RIMBP2: variants seen among roughly 807,000 people sequenced by gnomAD.
RIMBP2 encodes RIMS binding protein 2.
RIMBP2 carries 48 observed loss-of-function variants against 118.6 expected under a neutral mutation model. The ratio of observed to expected loss-of-function variants is 0.40; its 90% CI spans 0.32 to 0.51. The LOEUF is 0.51. Among genes scored for constraint, RIMBP2 ranks in the 20% least tolerant of loss-of-function variants. The pLI, the probability that RIMBP2 is intolerant of heterozygous loss-of-function variation, is 0.41. For missense variants in RIMBP2, 1,551 were observed against 1,768.3 expected, an observed-to-expected ratio of 0.88 and a Z score of 2.20; for synonymous variants, 762 against 742.9, an observed-to-expected ratio of 1.03 and a Z score of -0.42.
intron 20 of RIMBP2, 57 bp downstream of exon 20, chr12:130,407,669 C>T (rs1463185261): frequency 3.6e-6 from 5 of 1,372,988 alleles, no homozygotes; most frequent in East Asian, 4.6e-5. Flanking sequence ...TGGTGTACCA[C>T]GAGGGAAGGG....
chr12:130,611,922 G>T (rs931132745), intron 2 of RIMBP2, among the ~76,000 whole-genome samples: 6 of 151,902 alleles, frequency 3.9e-5, no homozygotes, highest in Non-Finnish European at 7.3e-5. Context: ...GTAGAAAGTT[G>T]GGGAAAACCA....
At chr12:130,550,726 G>C (rs758625824) in intron 2 of RIMBP2, among the ~76,000 whole-genome samples, 12 of 152,200 alleles carry the variant, frequency 7.9e-5, no homozygotes, top group Non-Finnish European at 1.2e-4. Context: ...AGATACATTT[G>C]GTTTTCTTAT....
At chr12:130,564,035 TCCCAGGGCC>T in intron 2 of RIMBP2, among the ~76,000 whole-genome samples, 1 of 148,360 alleles carries the variant, frequency 6.7e-6, no homozygotes, top group Non-Finnish European at 1.5e-5. Context: ...GCAGTCCCAG[TCCCAGGGCC>T]CTTGCACCTC....
rs762545142 is a variant in RIMBP2 at position 130,406,246 on chromosome 12, G to A, written c.3694-3C>T. ...CCTGTGCAAAATGTAAGTTCGGCCT[G>A]TGGAGATGAAACATAAAATTAATCG... On this transcript the variant is annotated splice_region_variant and splice_polypyrimidine_tract_variant and intron_variant, in intron 20 of 22. Transcript: ENST00000690449. 9 of 1,592,106 alleles carry A rather than the reference G, an allele frequency of 5.7e-6. No homozygotes were observed. The highest frequency in any genetic ancestry group is 4.0e-5 in the African/African-American group (3 of 74,300).
At position 130,713,211 on chromosome 12, in the gene RIMBP2, TAGGAAGGAAGGAAGGAAGGA is replaced by T. The variant is rs66952529; in HGVS notation, c.-352+2991_-352+3010del. 6.5e-3 allele frequency among the ~76,000 whole-genome samples: 638 copies of T among 98,108 alleles called. 2 individuals carry two copies. Among genetic ancestry groups the T allele is most frequent in the African/African-American group, 0.02 (476 of 23,588 alleles). 64.4% of individuals were successfully genotyped at this position (98,108 alleles called of 152,430 possible). A position where few individuals can be genotyped will look rare whatever the true frequency, so the allele number is the denominator to read the frequency against. On this transcript the variant is annotated intron_variant, in intron 1 of 22. Transcript: ENST00000690449. ...GAAAGAAGGAAGGAAGGAAGGAAGA[TAGGAAGGAAGGAAGGAAGGA>T]AGGAAGGAAGGAAGGAAGGAAGGAA... is the stretch of plus-strand genomic sequence containing the variant.
rs765748485 is a variant in RIMBP2, at chr12:130,434,656, A to G, written c.2253+78T>C. Reference sequence around the variant, plus strand: ...CCCAAGGGTAGCGGGGAAAGTGCCCATGTCTCTTGATCTCCACGGGGCCCG... The same window carrying G: ...CCCAAGGGTAGCGGGGAAAGTGCCCGTGTCTCTTGATCTCCACGGGGCCCG... On this transcript the variant is annotated intron_variant, in intron 14 of 22. Transcript: ENST00000690449. This position sits in a 1 kb window ranked among gnomAD's most constrained non-coding sequence, Gnocchi z 5.7. 1.2e-4 allele frequency: 175 copies of G among 1,443,426 alleles called. No homozygotes were observed. Among genetic ancestry groups the G allele is most frequent in the Non-Finnish European group, 1.6e-4 (172 of 1,083,308 alleles). The allele number at this position is 1,443,426 out of a possible 1,614,324, so 89.4% of individuals were successfully genotyped here.
In RIMBP2 at chr12:130,460,088, C is replaced by T. The variant is rs57314029; in HGVS notation, c.154-3388G>A. On this transcript the variant is annotated intron_variant, in intron 6 of 22. Coordinates refer to ENST00000690449, the MANE Select transcript of RIMBP2 (RefSeq NM_001393629.1). ...CCAGGTCACCTCTGTCCAAGGGAGA[C>T]AGAAAACGGGTGGAGAAGCAGCCAC... 5.6e-3 allele frequency among the ~76,000 whole-genome samples: 848 copies of T among 152,310 alleles called. 15 individuals carry two copies. Among genetic ancestry groups the T allele is most frequent in the African/African-American group, 0.02 (820 of 41,564 alleles).
At chr12:130,584,523 A>G (rs538787004) in intron 2 of RIMBP2, among the ~76,000 whole-genome samples, 1 of 147,072 alleles carries the variant, frequency 6.8e-6, no homozygotes, top group East Asian at 2.1e-4. Flanking sequence ...CACCACCATC[A>G]CCTCATCACC....
rs1412965063 is a variant in RIMBP2, at chr12:130,442,984, G to A, written c.692-324C>T. On this transcript the variant is annotated intron_variant, in intron 10 of 22. Transcript: ENST00000690449. This position sits in a 1 kb window ranked among gnomAD's most constrained non-coding sequence, Gnocchi z 6.9. ...CACTCAGGGACAGCAGGGACCACAC[G>A]ACTATTGAATGCCCAGCCCTAGAGT... 1.3e-5 allele frequency among the ~76,000 whole-genome samples: 2 copies of A among 152,184 alleles called. No homozygotes were observed. Among genetic ancestry groups the A allele is most frequent in the African/African-American group, 4.8e-5 (2 of 41,438 alleles).
chr12:130,557,894 G>A (rs915051339), intron 2 of RIMBP2, among the ~76,000 whole-genome samples: 1 of 152,150 alleles, frequency 6.6e-6, no homozygotes, highest in African/African-American at 2.4e-5. Flanking sequence ...CCTTCCCAGT[G>A]AGCAGCTGTG....
intron 7 of RIMBP2, among the ~76,000 whole-genome samples, chr12:130,454,089 T>C (rs1010176231): frequency 8.5e-5 from 13 of 152,144 alleles, no homozygotes; most frequent in African/African-American, 3.1e-4. Flanking sequence ...TGCTGGATTA[T>C]AGACTTGAAG....
intron 2 of RIMBP2, among the ~76,000 whole-genome samples, chr12:130,586,515 A>T (rs138564515): frequency 6.6e-6 from 1 of 152,290 alleles, no homozygotes; most frequent in Non-Finnish European, 1.5e-5. Flanking sequence ...GCCCTCAGAA[A>T]TAACGCCACA....
intron 2 of RIMBP2, among the ~76,000 whole-genome samples, chr12:130,526,737 T>C (rs1447220604): frequency 2.0e-5 from 3 of 152,202 alleles, no homozygotes; most frequent in African/African-American, 7.2e-5. Context: ...AGTTATAATA[T>C]ACAAGTCTGG....
chr12:130,413,752 CT>C (rs1348513807), intron 18 of RIMBP2, among the ~76,000 whole-genome samples: 1 of 151,928 alleles, frequency 6.6e-6, no homozygotes, highest in Non-Finnish European at 1.5e-5. Context: ...ATGCTCCCTT[CT>C]TCCCTTTTTC....
intron 2 of RIMBP2, among the ~76,000 whole-genome samples, chr12:130,534,877 G>T (rs1446126536): frequency 2.0e-5 from 3 of 152,218 alleles, no homozygotes; most frequent in Non-Finnish European, 4.4e-5. Flanking sequence ...CTAGGAAACG[G>T]TCTATCACTC....
chr12:130,511,379 G>A lies in RIMBP2; in HGVS notation c.-126-4609C>T, dbSNP rs780326308. 7.9e-5 allele frequency among the ~76,000 whole-genome samples: 12 copies of A among 152,204 alleles called. No individual in the cohort carries two copies. Among genetic ancestry groups the A allele is most frequent in the African/African-American group, 1.7e-4 (7 of 41,456 alleles). On this transcript the variant is annotated intron_variant, in intron 3 of 22. Transcript: ENST00000690449. This position sits in a 1 kb window ranked among gnomAD's most constrained non-coding sequence, Gnocchi z 4.3. Reference sequence around the variant, plus strand: ...CACAGCAGCAATAGGCAACTGATGCGGAAATCAGCTAAACAGCAGTCCTCG... The same window carrying A: ...CACAGCAGCAATAGGCAACTGATGCAGAAATCAGCTAAACAGCAGTCCTCG...
At chr12:130,682,216 C>G (rs1419020010) in intron 1 of RIMBP2, among the ~76,000 whole-genome samples, 2 of 152,196 alleles carry the variant, frequency 1.3e-5, no homozygotes, top group Non-Finnish European at 2.9e-5. Flanking sequence ...TCCCTTCCCC[C>G]ACTGCCAAGG....
chr12:130,706,907 C>G (rs2066149218), intron 1 of RIMBP2, among the ~76,000 whole-genome samples: 1 of 152,200 alleles, frequency 6.6e-6, no homozygotes, highest in African/African-American at 2.4e-5. Flanking sequence ...GCATTTCCCA[C>G]AAGCTCCGCC....
At chr12:130,649,487 C>G (rs1039039623) in intron 1 of RIMBP2, among the ~76,000 whole-genome samples, 3 of 152,212 alleles carry the variant, frequency 2.0e-5, no homozygotes, top group African/African-American at 4.8e-5. Context: ...ACGTGGCCAC[C>G]CAGACCCAAG....
Sources: gnomAD v4.1 joint callset for allele counts (sites outside exome capture counted in the v4.1 genomes callset) on GRCh38, gnomAD v4.1.1 for gene constraint, Gnocchi (gnomAD v3.1) non-coding constraint, MANE v1.5 for transcripts, NCBI Gene and HGNC (gene_info 2026-07-23, HGNC 2026-07-21) for gene names.